The following OR2C1 variants were observed in gnomAD, a reference collection of about 807,000 sequenced individuals.
OR2C1 encodes the protein olfactory receptor 2C1.
For missense variants in OR2C1, 468 were observed against 388.3 expected, an observed-to-expected ratio of 1.21 and a Z score of -1.73; for synonymous variants, 209 against 167.3, an observed-to-expected ratio of 1.25 and a Z score of -1.92.
At chr16:3,327,135 A>C in the OR2C1 span, among the ~76,000 whole-genome samples, 1 of 152,166 alleles carries the variant, frequency 6.6e-6, no homozygotes, top group Admixed American at 6.5e-5. Flanking sequence ...TATGGAAGTT[A>C]TCAAACATAT....
At chr16:3,347,609 TATGTAC>T in the OR2C1 span, among the ~76,000 whole-genome samples, 1 of 151,736 alleles carries the variant, frequency 6.6e-6, no homozygotes, top group Middle Eastern at 3.4e-3. Context: ...GACAAACAAA[TATGTAC>T]ATATATGTTG....
the OR2C1 span, chr16:3,324,050 G>T: frequency 2.6e-6 from 1 of 388,686 alleles, no homozygotes; most frequent in Middle Eastern, 6.9e-4. Context: ...TGATTTCAAA[G>T]CATTTGAAAC....
chr16:3,333,163 C>A, the OR2C1 span, among the ~76,000 whole-genome samples: 6 of 140,254 alleles, frequency 4.3e-5, no homozygotes, highest in Non-Finnish European at 7.6e-5. Flanking sequence ...TGCCTGTAGG[C>A]CATATTTATG....
chr16:3,342,232 C>T, the OR2C1 span, among the ~76,000 whole-genome samples: 1 of 152,094 alleles, frequency 6.6e-6, no homozygotes, highest in African/African-American at 2.4e-5. Context: ...GCCTGGGCAA[C>T]AGAGCGAGAC....
At chr16:3,326,978 C>G in the OR2C1 span, among the ~76,000 whole-genome samples, 1 of 152,108 alleles carries the variant, frequency 6.6e-6, no homozygotes, top group Non-Finnish European at 1.5e-5. Flanking sequence ...TATACATTCC[C>G]TTTATTGTTT....
the OR2C1 span, among the ~76,000 whole-genome samples, chr16:3,338,299 A>G: frequency 1.3e-5 from 2 of 152,158 alleles, no homozygotes; most frequent in African/African-American, 4.8e-5. Context: ...TAAGGCACTC[A>G]TGATGCTTCC....
the OR2C1 span, among the ~76,000 whole-genome samples, chr16:3,327,600 A>G: frequency 0.056 from 8,441 of 151,036 alleles, 487 homozygotes; most frequent in African/African-American, 0.14. Context: ...GTGGTCCGGA[A>G]GGGATACTAG....
chr16:3,344,466 G>T, the OR2C1 span, among the ~76,000 whole-genome samples: 2 of 152,138 alleles, frequency 1.3e-5, no homozygotes, highest in African/African-American at 4.8e-5. Flanking sequence ...GGTGGCTCAC[G>T]CCCGTAATCC....
chr16:3,357,407 T>G (rs1387583217), downstream of OR2C1: 1 of 155,954 alleles, frequency 6.4e-6, no homozygotes, highest in Non-Finnish European at 1.4e-5. Flanking sequence ...GGAGTCTTGC[T>G]CTGTTGCCCA....
chr16:3,340,142 G>T, the OR2C1 span, among the ~76,000 whole-genome samples: 1 of 152,060 alleles, frequency 6.6e-6, no homozygotes, highest in Non-Finnish European at 1.5e-5. Context: ...AGCCAGGCAT[G>T]GTGGCAGGCA....
chr16:3,326,567 C>G, the OR2C1 span, among the ~76,000 whole-genome samples: 1 of 152,170 alleles, frequency 6.6e-6, no homozygotes, highest in African/African-American at 2.4e-5. Context: ...CCGTTTCACC[C>G]TTTTTCCTCT....
chr16:3,327,976 G>C, the OR2C1 span, among the ~76,000 whole-genome samples: 3 of 151,822 alleles, frequency 2.0e-5, no homozygotes, highest in Non-Finnish European at 4.4e-5. Context: ...CATCCCATTT[G>C]GGTAACTTCT....
the OR2C1 span, among the ~76,000 whole-genome samples, chr16:3,326,286 T>C: frequency 6.6e-6 from 1 of 152,002 alleles, no homozygotes; most frequent in African/African-American, 2.4e-5. Context: ...GCACTCACCC[T>C]ACACCAGGCA....
chr16:3,322,955 G>A, the OR2C1 span: 60 of 985,052 alleles, frequency 6.1e-5, no homozygotes, highest in Non-Finnish European at 7.1e-5. Flanking sequence ...CCGCCGACAA[G>A]GAGGCAGCCA....
chr16:3,342,342 A>T, the OR2C1 span, among the ~76,000 whole-genome samples: 2 of 152,240 alleles, frequency 1.3e-5, no homozygotes, highest in Non-Finnish European at 2.9e-5. Context: ...TTTCTGTTCA[A>T]AAAAGGTCAA....
the OR2C1 span, among the ~76,000 whole-genome samples, chr16:3,339,313 G>T: frequency 5.8e-3 from 858 of 147,912 alleles, 6 homozygotes; most frequent in African/African-American, 0.02. Context: ...AATGAATAGT[G>T]TTGCTATAAA....
the OR2C1 span, among the ~76,000 whole-genome samples, chr16:3,334,462 C>T: frequency 1.3e-5 from 2 of 150,322 alleles, no homozygotes; most frequent in Non-Finnish European, 3.0e-5. Flanking sequence ...AGTTTTTGTA[C>T]AGACAGGGTT....
At chr16:3,338,824 C>A in the OR2C1 span, among the ~76,000 whole-genome samples, 40,894 of 152,058 alleles carry the variant, frequency 0.27, 5,667 homozygotes, top group African/African-American at 0.3. Flanking sequence ...GCTTGAGCCA[C>A]CGCGCCCGGC....
chr16:3,325,142 C>T, the OR2C1 span, among the ~76,000 whole-genome samples: 1 of 151,888 alleles, frequency 6.6e-6, no homozygotes, highest in Admixed American at 6.6e-5. Context: ...CCACCAGGCC[C>T]AGCTAATTTT....
Sources: allele counts gnomAD v4.1 joint callset (sites outside exome capture counted in the v4.1 genomes callset), GRCh38; gene constraint gnomAD v4.1.1; transcripts MANE v1.5; gene names NCBI Gene and HGNC (gene_info 2026-07-23, HGNC 2026-07-21).